EPC1: variants seen among roughly 807,000 people sequenced by gnomAD.
EPC1 encodes enhancer of polycomb homolog 1.
EPC1 carries 12 observed loss-of-function variants against 98.4 expected under a neutral mutation model. The observed-to-expected ratio is 0.12, with a 90% CI of 0.08 to 0.20. EPC1 has a LOEUF of 0.20. Ranked by LOEUF, EPC1 falls within the 10% of genes least tolerant of loss-of-function variation. The probability of loss-of-function intolerance (pLI) is 1.00; values close to 1 mark genes in which losing one functional copy is unlikely to be tolerated. For synonymous variants in EPC1, 357 were observed against 363.9 expected (o/e 0.98, Z 0.21); for missense variants, 729 against 990.5 (o/e 0.74, Z 3.54).
At chr10:32,339,450 C>G (rs1476521536) in intron 1 of EPC1, among the ~76,000 whole-genome samples, 1 of 152,052 alleles carries the variant, frequency 6.6e-6, no homozygotes, top group African/African-American at 2.4e-5. Context: ...GAGGCTGAGG[C>G]ACGAGAATCG....
chr10:32,335,987 T>C (rs2479341), intron 1 of EPC1, among the ~76,000 whole-genome samples: 122,215 of 151,902 alleles, frequency 0.8, 50,109 homozygotes, highest in East Asian at 0.96. Context: ...TTTTCTACCA[T>C]TCATCAGCTC....
At chr10:32,334,689 T>C (rs1332429593) in intron 1 of EPC1, among the ~76,000 whole-genome samples, 1 of 152,246 alleles carries the variant, frequency 6.6e-6, no homozygotes, top group Non-Finnish European at 1.5e-5. Flanking sequence ...TCAGATAATT[T>C]ATAAATTGTA....
chr10:32,348,468 C>T (rs1167529857), upstream of EPC1, among the ~76,000 whole-genome samples: 1 of 152,160 alleles, frequency 6.6e-6, no homozygotes, highest in East Asian at 1.9e-4. Flanking sequence ...AAATACTGGG[C>T]TTGATATGAG....
At chr10:32,272,698 ATAT>A (rs1156885561) in intron 11 of EPC1, among the ~76,000 whole-genome samples, 2 of 152,196 alleles carry the variant, frequency 1.3e-5, no homozygotes, top group African/African-American at 4.8e-5. Context: ...TTTTAAAAAT[ATAT>A]TTTTCCTGCA....
chr10:32,294,651 T>G (rs1835043938), intron 2 of EPC1, among the ~76,000 whole-genome samples: 1 of 152,248 alleles, frequency 6.6e-6, no homozygotes, highest in Admixed American at 6.5e-5. Context: ...ATCTTAGATC[T>G]GCAAGAACCG....
chr10:32,331,881 T>A (rs1837661710), intron 1 of EPC1, among the ~76,000 whole-genome samples: 1 of 152,240 alleles, frequency 6.6e-6, no homozygotes, highest in African/African-American at 2.4e-5. Flanking sequence ...ACATTTTCTC[T>A]GGCTTAAAAT....
At chr10:32,278,090 T>C (rs1202579715) in intron 10 of EPC1, among the ~76,000 whole-genome samples, 1 of 150,704 alleles carries the variant, frequency 6.6e-6, no homozygotes, top group African/African-American at 2.4e-5. Flanking sequence ...AATGTACACT[T>C]TTTTTTTTTG....
intron 10 of EPC1, among the ~76,000 whole-genome samples, chr10:32,280,030 T>C (rs1290665161): frequency 2.6e-5 from 4 of 152,138 alleles, no homozygotes; most frequent in Non-Finnish European, 5.9e-5. Context: ...GGAAGCCTGA[T>C]ACCAGACTGC....
chr10:32,301,469 A>G (rs1258396948), intron 2 of EPC1, among the ~76,000 whole-genome samples: 2 of 152,226 alleles, frequency 1.3e-5, no homozygotes, highest in Non-Finnish European at 2.9e-5. Flanking sequence ...ACCTTAAAAT[A>G]TCAAAACGAT....
At position 32,360,462 on chromosome 10, in the gene EPC1, A is replaced by G. The variant is rs148600319; in HGVS notation, c.3+18029T>C. Among the ~76,000 whole-genome samples, 7 of 152,320 alleles carry G rather than the reference A, an allele frequency of 4.6e-5. No individual in the cohort carries two copies. The East Asian group carries it at 1.2e-3, about 25-fold the overall frequency. Reference sequence around the variant, plus strand: ...GTGTGAAAACAGTCCAGTGATAAGTAACAGTTTGCATTCAAGGCAGCCACA... The same window carrying G: ...GTGTGAAAACAGTCCAGTGATAAGTGACAGTTTGCATTCAAGGCAGCCACA... On this transcript the variant is annotated intron_variant, in intron 1 of 13. Transcript: ENST00000375110.
At chr10:32,342,153 GT>G (rs1838401915) in intron 1 of EPC1, among the ~76,000 whole-genome samples, 1 of 152,252 alleles carries the variant, frequency 6.6e-6, no homozygotes, top group East Asian at 1.9e-4. Flanking sequence ...CAAACTATCT[GT>G]AATTAGTTTG....
intron 1 of EPC1, among the ~76,000 whole-genome samples, chr10:32,333,748 AGTCAGACAATAAGGCTTTACGAGAAGG>A (rs764274121): frequency 1.0e-4 from 13 of 128,106 alleles, no homozygotes; most frequent in Non-Finnish European, 2.0e-4. Flanking sequence ...AGTGTATCTC[AGTCAGACAATAAGGCTTTACGAGAAGG>A]GTGTTGTCTC....
At chr10:32,296,227 G>A (rs1018359774) in intron 2 of EPC1, among the ~76,000 whole-genome samples, 3 of 152,038 alleles carry the variant, frequency 2.0e-5, no homozygotes, top group African/African-American at 4.8e-5. Context: ...GAGCCACCGC[G>A]CCCGGCCAAT....
intron 1 of EPC1, among the ~76,000 whole-genome samples, chr10:32,356,298 A>G (rs527505373): frequency 6.6e-6 from 1 of 152,280 alleles, no homozygotes; most frequent in African/African-American, 2.4e-5. Context: ...CTTGAGTAAC[A>G]TTGTGCCAAT....
chr10:32,344,557 G>A (rs935084396), intron 1 of EPC1, among the ~76,000 whole-genome samples: 2 of 149,706 alleles, frequency 1.3e-5, no homozygotes, highest in African/African-American at 4.9e-5. Context: ...AGGTCGAGGC[G>A]GGCGGATCAC....
chr10:32,347,327 C>G, upstream of EPC1: 1 of 458,784 alleles, frequency 2.2e-6, no homozygotes, highest in Non-Finnish European at 2.9e-6. Flanking sequence ...TGCTCCGGGC[C>G]CCCGCCCTTC....
At chr10:32,370,814 A>G (rs907406232) in intron 1 of EPC1, among the ~76,000 whole-genome samples, 9 of 152,248 alleles carry the variant, frequency 5.9e-5, no homozygotes, top group African/African-American at 1.7e-4. Context: ...AAATAGCCAC[A>G]TGTTACTAGT....
chr10:32,284,568 A>ATTTTTTTT, intron 10 of EPC1, 130 bp downstream of exon 10: 1 of 667,322 alleles, frequency 1.5e-6, no homozygotes. Flanking sequence ...TTAGACCAAG[A>ATTTTTTTT]TTTTTTTTTT....
At chr10:32,358,347 T>A (rs1486513320) in intron 1 of EPC1, among the ~76,000 whole-genome samples, 1 of 152,084 alleles carries the variant, frequency 6.6e-6, no homozygotes, top group African/African-American at 2.4e-5. Flanking sequence ...AAAATAAAAA[T>A]AAAAAGTGGG....
Sources: gnomAD v4.1 joint callset for allele counts (sites outside exome capture counted in the v4.1 genomes callset) on GRCh38, gnomAD v4.1.1 for gene constraint, MANE v1.5 for transcripts, NCBI Gene and HGNC (gene_info 2026-07-23, HGNC 2026-07-21) for gene names.